ADAMTS12: variants seen among roughly 807,000 people sequenced by gnomAD.
ADAMTS12 encodes A disintegrin and metalloproteinase with thrombospondin motifs 12.
A neutral mutation model predicts 167.8 loss-of-function variants in ADAMTS12; 118 were observed. The observed-to-expected ratio is 0.70, with a 90% CI of 0.61 to 0.82. The LOEUF is 0.82. Ranked by LOEUF, ADAMTS12 falls within the 40% of genes least tolerant of loss-of-function variation. The pLI is 0.00. For missense variants in ADAMTS12, 1,916 were observed against 1,998.8 expected, an observed-to-expected ratio of 0.96 and a Z score of 0.79; for synonymous variants, 704 against 716.9, an observed-to-expected ratio of 0.98 and a Z score of 0.29.
chr5:33,883,423 T>C (rs531300114), intron 1 of ADAMTS12, among the ~76,000 whole-genome samples: 25 of 148,184 alleles, frequency 1.7e-4, no homozygotes, highest in African/African-American at 5.5e-4. Flanking sequence ...TGGGGCAGAA[T>C]ACAGAGTTTT....
At chr5:33,679,476 G>C (rs553790986) in intron 5 of ADAMTS12, among the ~76,000 whole-genome samples, 2 of 152,082 alleles carry the variant, frequency 1.3e-5, no homozygotes, top group Non-Finnish European at 2.9e-5. Context: ...AAGCAGAGGG[G>C]GAAGAGCCCC....
intron 1 of ADAMTS12, among the ~76,000 whole-genome samples, chr5:33,887,896 C>T (rs1750693818): frequency 1.3e-5 from 2 of 152,208 alleles, no homozygotes; most frequent in Admixed American, 6.5e-5. Flanking sequence ...AGGCATGCAC[C>T]ACCACGCCCG....
chr5:33,724,536 T>A (rs1191330106), intron 3 of ADAMTS12, among the ~76,000 whole-genome samples: 1 of 151,052 alleles, frequency 6.6e-6, no homozygotes, highest in Non-Finnish European at 1.5e-5. Context: ...TCATCAAGGC[T>A]AACAGCTTCT....
chr5:33,806,680 T>TA lies in ADAMTS12; in HGVS notation c.490-55133dup, dbSNP rs546426877. Among the ~76,000 whole-genome samples the TA allele has an allele frequency of 1.2e-3, 187 of 152,310 alleles. 1 individual carries two copies. The highest frequency in any genetic ancestry group is 1.8e-3 in the Non-Finnish European group (123 of 68,024). ...AGGCCACAACCTGGAAACTTTCACT[T>TA]AGATTCTAGATCTTCTAAATGTGTT... On this transcript the variant is annotated intron_variant, in intron 2 of 23. Transcript: ENST00000504830.
intron 14 of ADAMTS12, among the ~76,000 whole-genome samples, chr5:33,623,215 G>C (rs980836524): frequency 2.6e-5 from 4 of 152,104 alleles, no homozygotes; most frequent in African/African-American, 9.7e-5. Context: ...ATCACTTCCT[G>C]TCCTGGGCAT....
intron 2 of ADAMTS12, among the ~76,000 whole-genome samples, chr5:33,852,785 G>A (rs1214101887): frequency 6.6e-6 from 1 of 152,190 alleles, no homozygotes; most frequent in East Asian, 1.9e-4. Flanking sequence ...TCATTTGTAT[G>A]TGTTTGTTGA....
chr5:33,746,512 T>C (rs1744792095), intron 3 of ADAMTS12, among the ~76,000 whole-genome samples: 1 of 152,176 alleles, frequency 6.6e-6, no homozygotes, highest in Non-Finnish European at 1.5e-5. Context: ...TTTCGTGCAA[T>C]AGACAAGATA....
intron 3 of ADAMTS12, among the ~76,000 whole-genome samples, chr5:33,736,699 C>T (rs1744388030): frequency 6.6e-6 from 1 of 152,232 alleles, no homozygotes; most frequent in Non-Finnish European, 1.5e-5. Flanking sequence ...TGTCCTTTCA[C>T]TCACACACAT....
In ADAMTS12 at chr5:33,882,049, G is replaced by A. The variant is rs147077884; in HGVS notation, c.128-569C>T. Among the ~76,000 whole-genome samples, 603 of 152,256 alleles carry A rather than the reference G, an allele frequency of 4.0e-3. 1 individual carries two copies. Among genetic ancestry groups the A allele is most frequent in the Non-Finnish European group, 4.1e-3 (277 of 68,022 alleles). The stretch of plus-strand genomic sequence containing the variant: ...GACACATTAAGATGGGAATTAATCC[G>A]TGAGGGGTACTGTTAGAAAAGGGGC... On this transcript the variant is annotated intron_variant, in intron 1 of 23. Transcript: ENST00000504830.
At chr5:33,542,433 T>A (rs1214696694) in intron 22 of ADAMTS12, among the ~76,000 whole-genome samples, 2 of 152,148 alleles carry the variant, frequency 1.3e-5, no homozygotes, top group Non-Finnish European at 2.9e-5. Context: ...AACACCCCAC[T>A]GTCAATATTA....
Position 33,595,926 on chromosome 5 carries a change from A to T in ADAMTS12, c.2654+8T>A. The T allele has an allele frequency of 1.9e-6, 3 of 1,613,980 alleles. No individual in the cohort carries two copies. The highest frequency in any genetic ancestry group is 2.5e-6 in the Non-Finnish European group (3 of 1,179,872). On this transcript the variant is annotated splice_region_variant and intron_variant, in intron 17 of 23. Transcript: ENST00000504830. ...ACACACAGAGCTCCAGCTGTTAGCG[A>T]TGGTTACCTGGGTGGACAAGCCTTT...
Position 33,881,433 on chromosome 5 carries a change from G to A in ADAMTS12, c.175C>T (p.Arg59Ter), listed in dbSNP as rs200026742. ...LPEYHVVGPV[R>*]VDASGHFLSY... ...AAAAAATGCCCACTGGCATCTACTC[G>A]GACTGGACCCACCACGTGGTATTCT... Residue 59 changes from arginine to a stop codon, truncating the protein, a stop_gained, in exon 2 of 24, where the codon CGA (arginine) becomes TGA (stop). Transcript: ENST00000504830. LOFTEE classifies it high-confidence loss of function. The A allele has an allele frequency of 2.0e-5, 32 of 1,613,812 alleles. No homozygotes were observed. The highest frequency in any genetic ancestry group is 2.5e-5 in the Non-Finnish European group (30 of 1,179,940).
intron 2 of ADAMTS12, among the ~76,000 whole-genome samples, chr5:33,855,042 G>A (rs1173743468): frequency 6.6e-6 from 1 of 152,160 alleles, no homozygotes; most frequent in Non-Finnish European, 1.5e-5. Context: ...AGCCTCACTG[G>A]GCAAGTTTTC....
chr5:33,650,535 T>C lies in ADAMTS12; in HGVS notation c.1191-838A>G, dbSNP rs527757076. Among the ~76,000 whole-genome samples, 25 of 152,360 alleles carry C rather than the reference T, an allele frequency of 1.6e-4. No individual in the cohort carries two copies. In the South Asian group the frequency reaches 5.0e-3, roughly 30 times the overall value. On this transcript the variant is annotated intron_variant, in intron 7 of 23. Transcript: ENST00000504830. ...GAGATTTGTCAACAATCATATAGCT[T>C]GTTAGTGGTAAAACTAGGTTTCAGA... is the stretch of plus-strand genomic sequence containing the variant.
chr5:33,752,847 C>T (rs1277179058), intron 2 of ADAMTS12, among the ~76,000 whole-genome samples: 1 of 152,172 alleles, frequency 6.6e-6, no homozygotes, highest in Non-Finnish European at 1.5e-5. Flanking sequence ...AAGAGGGGCT[C>T]CAACAAAGGG....
intron 5 of ADAMTS12, among the ~76,000 whole-genome samples, chr5:33,678,634 G>C (rs1205941483): frequency 6.6e-6 from 1 of 152,166 alleles, no homozygotes; most frequent in South Asian, 2.1e-4. Flanking sequence ...CCTTGAAAAA[G>C]CCTGATGAAT....
At chr5:33,839,725 G>A (rs769590488) in intron 2 of ADAMTS12, among the ~76,000 whole-genome samples, 8 of 152,042 alleles carry the variant, frequency 5.3e-5, no homozygotes, top group Admixed American at 1.3e-4. Flanking sequence ...CCCCACCACC[G>A]TGCCCTGCCC....
intron 2 of ADAMTS12, among the ~76,000 whole-genome samples, chr5:33,825,755 A>G (rs1470404627): frequency 6.6e-6 from 1 of 152,212 alleles, no homozygotes; most frequent in Non-Finnish European, 1.5e-5. Context: ...CCATTATACA[A>G]AAACTCTCTG....
At chr5:33,869,980 G>A (rs983480362) in intron 2 of ADAMTS12, among the ~76,000 whole-genome samples, 9 of 152,156 alleles carry the variant, frequency 5.9e-5, no homozygotes, top group African/African-American at 1.9e-4. Context: ...TTTTCCCAGG[G>A]ATGTTAATTA....
Sources: gnomAD v4.1 joint callset for allele counts (sites outside exome capture counted in the v4.1 genomes callset) on GRCh38, gnomAD v4.1.1 for gene constraint, MANE v1.5 for transcripts, NCBI Gene and HGNC (gene_info 2026-07-23, HGNC 2026-07-21) for gene names.